The following BRIP1 variants were observed in gnomAD, a reference collection of about 807,000 sequenced individuals.
BRIP1 encodes the protein Fanconi anemia group J protein.
Under a neutral mutation model 119.7 loss-of-function variants are expected in BRIP1, and 88 were observed. The observed-to-expected ratio is 0.74, with a 90% CI of 0.62 to 0.88. The LOEUF (loss-of-function observed/expected upper bound fraction) is 0.88. Among genes scored for constraint, BRIP1 ranks in the 40% least tolerant of loss-of-function variants. BRIP1 has a pLI of 0.00. For synonymous variants in BRIP1, 443 were observed against 496.5 expected (o/e 0.89, Z 1.43); for missense variants, 1,259 against 1,455.4 (o/e 0.87, Z 2.20).
chr17:61,741,420 G>A (rs370010686), intron 16 of BRIP1, among the ~76,000 whole-genome samples: 140 of 152,278 alleles, frequency 9.2e-4, no homozygotes, highest in African/African-American at 2.9e-3. Flanking sequence ...CATCTAGAAC[G>A]GTGAATCCTT....
Position 61,685,747 on chromosome 17 carries a change from G to C in BRIP1, c.2905+89C>G, listed in dbSNP as rs528656791. The C allele has an allele frequency of 1.4e-5, 17 of 1,181,814 alleles. No individual in the cohort carries two copies. The East Asian group carries it at 3.3e-4, about 23-fold the overall frequency. 73.2% of individuals were successfully genotyped at this position (1,181,814 alleles called of 1,614,324 possible). On this transcript the variant is annotated intron_variant, in intron 19 of 19. Coordinates refer to ENST00000259008, the MANE Select transcript of BRIP1 (RefSeq NM_032043.3). ...TTATATTACAAACCACCATATTTAAGGAATTAATCTATACCCAAATAAATA... is the reference window on the plus strand; with the variant it reads ...TTATATTACAAACCACCATATTTAACGAATTAATCTATACCCAAATAAATA...
intron 10 of BRIP1, among the ~76,000 whole-genome samples, chr17:61,788,093 T>G (rs1415241769): frequency 2.6e-5 from 4 of 152,192 alleles, no homozygotes; most frequent in Non-Finnish European, 5.9e-5. Flanking sequence ...ATGGAAAATT[T>G]AAGATAATCT....
At chr17:61,773,649 C>A (rs1029542169) in intron 14 of BRIP1, among the ~76,000 whole-genome samples, 5 of 150,806 alleles carry the variant, frequency 3.3e-5, no homozygotes, top group Non-Finnish European at 5.9e-5. Flanking sequence ...AGGCTCCCAT[C>A]CCTACAGAAT....
Position 61,743,173 on chromosome 17 carries a change from A to T in BRIP1, c.2258-39T>A, listed in dbSNP as rs1567779942. 6.2e-7 allele frequency: 1 copy of T among 1,609,160 alleles called. No individual in the cohort carries two copies. Among genetic ancestry groups the T allele is most frequent in the African/African-American group, 1.3e-5 (1 of 74,774 alleles). On this transcript the variant is annotated intron_variant, in intron 15 of 19. Transcript: ENST00000259008. This position sits in a 1 kb window ranked among gnomAD's most constrained non-coding sequence, Gnocchi z 4.3. The stretch of plus-strand genomic sequence containing the variant: ...AAAAAGCATATCCAAAATTCTCAGA[A>T]ATTGCTTATTCTTGTCATTTTGAAA...
chr17:61,683,605 A>AT lies in BRIP1; in HGVS notation c.3440dup (p.Asn1147LysfsTer2), dbSNP rs753683450. 81 of 1,611,944 alleles carry AT rather than the reference A, an allele frequency of 5.0e-5. No individual in the cohort carries two copies. The highest frequency in any genetic ancestry group is 1.8e-4 in the South Asian group (16 of 91,018). On this transcript the variant is annotated frameshift_variant, in exon 20 of 20. Transcript: ENST00000259008. LOFTEE classifies it low-confidence loss of function (END_TRUNC). This position sits in a 1 kb window ranked among gnomAD's most constrained non-coding sequence, Gnocchi z 4.7. ...TTCCTCTATCAGTTTCAGCTAGGTC[A>AT]TTTTTTTCTTCATCTGTATCTTCAG...
rs1275470117 is a variant in BRIP1 at position 61,695,130 on chromosome 17, G to C, written c.2493-1618C>G. Among the ~76,000 whole-genome samples, 1 of 151,856 alleles carries C rather than the reference G, an allele frequency of 6.6e-6. No individual in the cohort carries two copies. The highest frequency in any genetic ancestry group is 1.5e-5 in the Non-Finnish European group (1 of 67,894). On this transcript the variant is annotated intron_variant, in intron 17 of 19. Transcript: ENST00000259008. The surrounding 1 kb of genome is among the most constrained non-coding windows in gnomAD (Gnocchi z 4.3). ...CAAGAAAATTTATACCTCTGTTTTT[G>C]CCTTTTTCTGTCTTTGATCCACTTT...
rs958351868 is a variant in BRIP1, at chr17:61,796,792, T to C, written c.1340+2308A>G. ...GAGACCTGTTAGGAGGTTGTTATAA[T>C]ATCCTTGTTGAGAGAAGACTGTAGG... On this transcript the variant is annotated intron_variant, in intron 9 of 19. Coordinates refer to ENST00000259008, the MANE Select transcript of BRIP1 (RefSeq NM_032043.3). This position sits in a 1 kb window ranked among gnomAD's most constrained non-coding sequence, Gnocchi z 4.8. 1.3e-5 allele frequency among the ~76,000 whole-genome samples: 2 copies of C among 152,070 alleles called. No individual in the cohort carries two copies. The highest frequency in any genetic ancestry group is 4.8e-5 in the African/African-American group (2 of 41,426).
rs775668176 is a variant in BRIP1, at chr17:61,713,272, ACTT to A, written c.2492+2676_2492+2678del. Among the ~76,000 whole-genome samples, 13 of 152,246 alleles carry A rather than the reference ACTT, an allele frequency of 8.5e-5. No homozygotes were observed. Among genetic ancestry groups the A allele is most frequent in the African/African-American group, 2.9e-4 (12 of 41,554 alleles). ...CTGGTTTGTGTATTTACTATACTGT[ACTT>A]CTTATCACTACAGTGTACTCCTTTC... On this transcript the variant is annotated intron_variant, in intron 17 of 19. Transcript: ENST00000259008. This position sits in a 1 kb window ranked among gnomAD's most constrained non-coding sequence, Gnocchi z 4.9.
chr17:61,791,488 C>CA (rs529710126), intron 10 of BRIP1, among the ~76,000 whole-genome samples: 532 of 52,854 alleles, frequency 0.01, 28 homozygotes, highest in Middle Eastern at 0.021. Context: ...GACTTCATCT[C>CA]AAAAAAAAAA....
At position 61,680,605 on chromosome 17, in the gene BRIP1, G is replaced by A. The variant is rs886053205; in HGVS notation, c.*2691C>T. Among the ~76,000 whole-genome samples the A allele has an allele frequency of 1.3e-5, 2 of 149,182 alleles. No homozygotes were observed. Among genetic ancestry groups the A allele is most frequent in the Non-Finnish European group, 3.0e-5 (2 of 67,616 alleles). On this transcript the variant is annotated 3_prime_UTR_variant, in exon 20 of 20. Coordinates refer to ENST00000259008, the MANE Select transcript of BRIP1 (RefSeq NM_032043.3). ...CGCCATTCTCCTGCCTCAGCCTCCTGAGTAGCTGGGACTACAGGCGCCCGC... is the reference window on the plus strand; with the variant it reads ...CGCCATTCTCCTGCCTCAGCCTCCTAAGTAGCTGGGACTACAGGCGCCCGC...
Position 61,686,275 on chromosome 17 carries a change from G to C in BRIP1, c.2576-110C>G. Reference sequence around the variant, plus strand: ...AGTGAAGTAACCTAATTTGTATTTTGAATATACAGAATGGTTCTCCATATG... The same window carrying C: ...AGTGAAGTAACCTAATTTGTATTTTCAATATACAGAATGGTTCTCCATATG... On this transcript the variant is annotated intron_variant, in intron 18 of 19. Coordinates refer to ENST00000259008, the MANE Select transcript of BRIP1 (RefSeq NM_032043.3). The surrounding 1 kb of genome is among the most constrained non-coding windows in gnomAD (Gnocchi z 5.4). The C allele has an allele frequency of 1.0e-6, 1 of 968,180 alleles. No individual in the cohort carries two copies. Among genetic ancestry groups the C allele is most frequent in the Non-Finnish European group, 1.6e-6 (1 of 618,914 alleles). 60.0% of individuals were successfully genotyped at this position (968,180 alleles called of 1,614,324 possible). A position where few individuals can be genotyped will look rare whatever the true frequency, so the allele number is the denominator to read the frequency against.
intron 16 of BRIP1, among the ~76,000 whole-genome samples, chr17:61,741,059 T>G (rs950112676): frequency 1.3e-5 from 2 of 152,224 alleles, no homozygotes; most frequent in African/African-American, 4.8e-5. Flanking sequence ...CGCTGCTTCA[T>G]GCACTAAGTT....
intron 14 of BRIP1, among the ~76,000 whole-genome samples, chr17:61,747,957 TG>T (rs903653201): frequency 2.0e-5 from 3 of 151,596 alleles, no homozygotes; most frequent in Non-Finnish European, 4.4e-5. Context: ...AGGTTGGTCT[TG>T]AACTCCTGGC....
rs1480697480 is a variant in BRIP1 at position 61,823,337 on chromosome 17, T to C, written c.628-14580A>G. 6.6e-6 allele frequency among the ~76,000 whole-genome samples: 1 copy of C among 152,198 alleles called. No individual in the cohort carries two copies. Among genetic ancestry groups the C allele is most frequent in the Non-Finnish European group, 1.5e-5 (1 of 68,034 alleles). On this transcript the variant is annotated intron_variant, in intron 6 of 19. Coordinates refer to ENST00000259008, the MANE Select transcript of BRIP1 (RefSeq NM_032043.3). This position sits in a 1 kb window ranked among gnomAD's most constrained non-coding sequence, Gnocchi z 4.8. ...CTTGCACCATAAACTACTAACAAAT[T>C]GGACAAGATATATGAAACAGTACTT...
rs1360432420 is a variant in BRIP1, at chr17:61,862,087, A to G, written c.-30-518T>C. 6.2e-6 allele frequency: 1 copy of G among 161,442 alleles called. No homozygotes were observed. Among genetic ancestry groups the G allele is most frequent in the Non-Finnish European group, 1.4e-5 (1 of 73,326 alleles). 10.0% of individuals were successfully genotyped at this position (161,442 alleles called of 1,614,324 possible). A position where few individuals can be genotyped will look rare whatever the true frequency, so the allele number is the denominator to read the frequency against. On this transcript the variant is annotated intron_variant, in intron 1 of 19. Transcript: ENST00000259008. This position sits in a 1 kb window ranked among gnomAD's most constrained non-coding sequence, Gnocchi z 5.3. The stretch of plus-strand genomic sequence containing the variant: ...TTAGAAGAAAAAAGCTGTTGACCAG[A>G]AGTCAGGAAGCATAGGTTCTATACC...
chr17:61,743,979 G>T lies in BRIP1; in HGVS notation c.2257+453C>A, dbSNP rs140927094. Reference sequence around the variant, plus strand: ...TAGGATTACAGGCAAGAGCCACCACGCCCGGCCTCACATCAAACTCTTCAT... The same window carrying T: ...TAGGATTACAGGCAAGAGCCACCACTCCCGGCCTCACATCAAACTCTTCAT... On this transcript the variant is annotated intron_variant, in intron 15 of 19. Coordinates refer to ENST00000259008, the MANE Select transcript of BRIP1 (RefSeq NM_032043.3). This position sits in a 1 kb window ranked among gnomAD's most constrained non-coding sequence, Gnocchi z 4.3. 9.2e-5 allele frequency among the ~76,000 whole-genome samples: 14 copies of T among 152,212 alleles called. No homozygotes were observed. The East Asian group carries it at 2.7e-3, about 29-fold the overall frequency.
At position 61,845,422 on chromosome 17, in the gene BRIP1, G is replaced by A. The variant is rs1187123164; in HGVS notation, c.627+1679C>T. ...ATAATATTTAGTTCGCTGAGTTTAA[G>A]TTCATTGAGTTTTACAGATCTTACA... On this transcript the variant is annotated intron_variant, in intron 6 of 19. Coordinates refer to ENST00000259008, the MANE Select transcript of BRIP1 (RefSeq NM_032043.3). This position sits in a 1 kb window ranked among gnomAD's most constrained non-coding sequence, Gnocchi z 4.2. 6.6e-6 allele frequency among the ~76,000 whole-genome samples: 1 copy of A among 152,116 alleles called. No individual in the cohort carries two copies. Among genetic ancestry groups the A allele is most frequent in the Non-Finnish European group, 1.5e-5 (1 of 68,018 alleles).
At chr17:61,696,663 T>G (rs1603282548) in intron 17 of BRIP1, among the ~76,000 whole-genome samples, 13 of 116,332 alleles carry the variant, frequency 1.1e-4, no homozygotes, top group East Asian at 2.5e-4. Flanking sequence ...CCAGCCTGAG[T>G]GACAGAGTGA....
intron 6 of BRIP1, among the ~76,000 whole-genome samples, chr17:61,818,200 G>A (rs930122724): frequency 6.8e-6 from 1 of 147,866 alleles, no homozygotes; most frequent in Non-Finnish European, 1.5e-5. Context: ...AAAGGGGGGA[G>A]GGGGGGGAAA....
Sources: gnomAD v4.1 joint callset for allele counts (sites outside exome capture counted in the v4.1 genomes callset) on GRCh38, gnomAD v4.1.1 for gene constraint, Gnocchi (gnomAD v3.1) non-coding constraint, MANE v1.5 for transcripts, NCBI Gene and HGNC (gene_info 2026-07-23, HGNC 2026-07-21) for gene names.